Variants in COMMD1 observed in about 807,000 individuals in gnomAD.
COMMD1 encodes COMM domain-containing protein 1.
In COMMD1, 10 loss-of-function variants were observed where a neutral mutation model predicts 17.2. The observed-to-expected ratio is 0.58, with a 90% CI of 0.36 to 0.99. The LOEUF (loss-of-function observed/expected upper bound fraction) is 0.99, where lower values mean the gene tolerates loss of function less well. COMMD1 is among the 50% of genes least tolerant of loss of function. COMMD1 has a pLI of 0.01. For missense variants in COMMD1, 270 were observed against 231.8 expected (o/e 1.17, Z -1.07); for synonymous variants, 97 against 91.6 (o/e 1.06, Z -0.34).
At chr2:61,906,019 C>T (rs1237569218) in intron 1 of COMMD1, among the ~76,000 whole-genome samples, 161 bp downstream of exon 1, 1 of 152,204 alleles carries the variant, frequency 6.6e-6, no homozygotes, top group Non-Finnish European at 1.5e-5. Flanking sequence ...CAGATTTGCT[C>T]GTTCTGTCGC....
chr2:62,128,760 G>A (rs1352400008), intron 2 of COMMD1, among the ~76,000 whole-genome samples: 3 of 151,992 alleles, frequency 2.0e-5, no homozygotes, highest in Non-Finnish European at 4.4e-5. Flanking sequence ...AGACCATCCT[G>A]GCTAACATAG....
chr2:62,023,977 G>A (rs1669685170), intron 2 of COMMD1, among the ~76,000 whole-genome samples: 1 of 152,144 alleles, frequency 6.6e-6, no homozygotes, highest in African/African-American at 2.4e-5. Flanking sequence ...ATGTTCAGTG[G>A]AAGTAAAAGC....
intron 2 of COMMD1, among the ~76,000 whole-genome samples, chr2:62,129,787 A>G (rs1349213147): frequency 6.6e-6 from 1 of 152,146 alleles, no homozygotes. Context: ...CACAGAAGAC[A>G]GTTGCAGAGT....
At chr2:61,996,547 A>G (rs1283698777) in intron 1 of COMMD1, among the ~76,000 whole-genome samples, 1 of 152,312 alleles carries the variant, frequency 6.6e-6, no homozygotes, top group South Asian at 2.1e-4. Context: ...TTTTACCCAC[A>G]GTAGAACCTC....
Position 62,081,188 on chromosome 2 carries a change from A to G in COMMD1, c.463-54643A>G, listed in dbSNP as rs570542304. On this transcript the variant is annotated intron_variant, in intron 2 of 2. Coordinates refer to ENST00000311832, the MANE Select transcript of COMMD1 (RefSeq NM_152516.4). ...TTCACACTTCTGCCAGCAACATATCAGATTTTTCCTTTGTCTACATCTCTA... is the reference window on the plus strand; with the variant it reads ...TTCACACTTCTGCCAGCAACATATCGGATTTTTCCTTTGTCTACATCTCTA... Among the ~76,000 whole-genome samples the G allele has an allele frequency of 3.9e-5, 6 of 152,216 alleles. No individual in the cohort carries two copies. The South Asian group carries it at 1.2e-3, about 32-fold the overall frequency.
intron 2 of COMMD1, among the ~76,000 whole-genome samples, chr2:62,113,067 T>C (rs186786685): frequency 1.4e-4 from 22 of 152,238 alleles, no homozygotes; most frequent in African/African-American, 5.3e-4. Context: ...AAAGCATATA[T>C]GGACTGGGTG....
intron 1 of COMMD1, among the ~76,000 whole-genome samples, chr2:61,941,748 G>T (rs1037094467): frequency 6.6e-6 from 1 of 152,090 alleles, no homozygotes; most frequent in African/African-American, 2.4e-5. Flanking sequence ...ACCCAAACAA[G>T]CTCTTTCATT....
intron 1 of COMMD1, among the ~76,000 whole-genome samples, chr2:61,977,058 G>C (rs994724269): frequency 6.6e-6 from 1 of 151,200 alleles, no homozygotes; most frequent in African/African-American, 2.4e-5. Context: ...TCCTGACCTC[G>C]TGATCTGCCC....
At chr2:62,048,776 A>G (rs1190448354) in intron 2 of COMMD1, among the ~76,000 whole-genome samples, 4 of 152,062 alleles carry the variant, frequency 2.6e-5, no homozygotes, top group African/African-American at 7.2e-5. Flanking sequence ...TTTTAAAACT[A>G]CTTGTCTTGA....
In COMMD1 at chr2:62,000,984, T is replaced by C; in HGVS notation, c.462+2T>C. The C allele has an allele frequency of 6.2e-7, 1 of 1,611,682 alleles. No homozygotes were observed. Among genetic ancestry groups the C allele is most frequent in the Non-Finnish European group, 8.5e-7 (1 of 1,179,912 alleles). ...CTGGAATTAGGCAAATATGGACAGGTGAGTTAAACTTAAGTCAATTTTCCT... is the reference window on the plus strand; with the variant it reads ...CTGGAATTAGGCAAATATGGACAGGCGAGTTAAACTTAAGTCAATTTTCCT... On this transcript the variant is annotated splice_donor_variant, in intron 2 of 2. Transcript: ENST00000311832. LOFTEE classifies it high-confidence loss of function.
At chr2:61,911,503 ACT>A (rs1424350392) in intron 1 of COMMD1, among the ~76,000 whole-genome samples, 4 of 151,994 alleles carry the variant, frequency 2.6e-5, no homozygotes, top group African/African-American at 9.7e-5. Context: ...ACAGGGACTC[ACT>A]CTGTCACGCA....
intron 2 of COMMD1, among the ~76,000 whole-genome samples, chr2:62,092,791 A>G (rs552702489): frequency 1.3e-5 from 2 of 152,252 alleles, no homozygotes; most frequent in Admixed American, 1.3e-4. Flanking sequence ...CCCTTAGCCA[A>G]CCTCATAGGT....
At chr2:62,029,354 TG>T (rs1419576633) in intron 2 of COMMD1, among the ~76,000 whole-genome samples, 14 of 152,160 alleles carry the variant, frequency 9.2e-5, no homozygotes, top group Admixed American at 9.2e-4. Flanking sequence ...TCTTGATATA[TG>T]GAGTCTTTTT....
intron 2 of COMMD1, among the ~76,000 whole-genome samples, chr2:62,133,281 C>G (rs937834433): frequency 3.3e-5 from 5 of 151,856 alleles, no homozygotes; most frequent in Non-Finnish European, 7.4e-5. Flanking sequence ...TTAGCAACAG[C>G]AAAACCAACT....
intron 1 of COMMD1, among the ~76,000 whole-genome samples, chr2:61,899,622 AT>A (rs1186288838): frequency 6.6e-6 from 1 of 152,114 alleles, no homozygotes; most frequent in Non-Finnish European, 1.5e-5. Context: ...CTACACATAC[AT>A]TTGAGTAGGA....
intron 2 of COMMD1, among the ~76,000 whole-genome samples, chr2:62,083,265 T>C (rs1671575286): frequency 7.0e-6 from 1 of 143,622 alleles, no homozygotes; most frequent in Non-Finnish European, 1.5e-5. Context: ...CCTGTCTCAA[T>C]TGAGAAAAAA....
chr2:61,993,102 T>C (rs10209885), intron 1 of COMMD1, among the ~76,000 whole-genome samples: 18,410 of 152,098 alleles, frequency 0.12, 2,681 homozygotes, highest in African/African-American at 0.35. Flanking sequence ...CAAGTAATAG[T>C]CAGCCATGGG....
intron 2 of COMMD1, among the ~76,000 whole-genome samples, chr2:62,027,541 A>G (rs1479676701): frequency 1.3e-5 from 2 of 152,188 alleles, no homozygotes; most frequent in Non-Finnish European, 2.9e-5. Context: ...ATTACTCTGC[A>G]TATTTTGGAG....
At chr2:61,930,451 GT>G (rs1670432551) in intron 1 of COMMD1, among the ~76,000 whole-genome samples, 3 of 152,160 alleles carry the variant, frequency 2.0e-5, no homozygotes, top group African/African-American at 7.2e-5. Flanking sequence ...AGCTACTCAG[GT>G]GGCTGAGGCA....
Sources: allele counts gnomAD v4.1 joint callset (sites outside exome capture counted in the v4.1 genomes callset), GRCh38; gene constraint gnomAD v4.1.1; transcripts MANE v1.5; gene names NCBI Gene and HGNC (gene_info 2026-07-23, HGNC 2026-07-21).